Variants in ATXN7 observed in about 807,000 individuals in gnomAD.
ATXN7 encodes ataxin-7.
In ATXN7, 12 loss-of-function variants were observed where a neutral mutation model predicts 70.5. The ratio of observed to expected loss-of-function variants is 0.17; its 90% CI spans 0.11 to 0.28. The LOEUF (loss-of-function observed/expected upper bound fraction) is 0.28, where lower values mean the gene tolerates loss of function less well. ATXN7 is among the 10% of genes least tolerant of loss of function. ATXN7 has a pLI of 1.00. For synonymous variants in ATXN7, 498 were observed against 448.7 expected (o/e 1.11, Z -1.39); for missense variants, 1,256 against 1,131.7 (o/e 1.11, Z -1.58).
intron 4 of ATXN7, among the ~76,000 whole-genome samples, chr3:63,949,790 A>G (rs1410312160): frequency 6.6e-6 from 1 of 152,052 alleles, no homozygotes; most frequent in Non-Finnish European, 1.5e-5. Context: ...TGCTTTTTAG[A>G]GAGATTCAGT....
At chr3:63,906,678 G>A (rs929135873) in intron 2 of ATXN7, among the ~76,000 whole-genome samples, 1 of 152,224 alleles carries the variant, frequency 6.6e-6, no homozygotes, top group African/African-American at 2.4e-5. Flanking sequence ...TGGAATTTGT[G>A]GAAGAACTTT....
upstream of ATXN7, chr3:63,863,515 G>A: frequency 8.4e-7 from 1 of 1,188,134 alleles, no homozygotes; most frequent in Non-Finnish European, 1.0e-6. Context: ...CTATAGCCCC[G>A]CGCTGCCTCC....
chr3:63,905,094 A>C (rs1267026688), intron 2 of ATXN7: 18 of 152,170 alleles, frequency 1.2e-4, no homozygotes, highest in Admixed American at 1.2e-3. Context: ...ATTTGCAAAA[A>C]TGTGTAGGTT....
In ATXN7 at chr3:63,999,748, A is replaced by AGTTTTT. The variant is rs1211127243; in HGVS notation, c.*293_*298dup. 1.9e-5 allele frequency: 11 copies of AGTTTTT among 571,266 alleles called. No individual in the cohort carries two copies. The East Asian group carries it at 2.0e-4, about 10-fold the overall frequency. The allele number at this position is 571,266 out of a possible 1,614,324, so 35.4% of individuals were successfully genotyped here. ...AACTGCTTGCTACCAATCTGTGAGA[A>AGTTTTT]GTTTTTGTTTTTGTTTTGTTTTTTA... On this transcript the variant is annotated 3_prime_UTR_variant, in exon 13 of 13. Transcript: ENST00000674280.
rs2075834068 is a variant in ATXN7, at chr3:64,001,611, T to G, written c.*2144T>G. ...TTCAGACTAATGTAGATATTTAGAT[T>G]AGCAAGTATTGAACATTTGATTTCT... On this transcript the variant is annotated 3_prime_UTR_variant, in exon 13 of 13. Transcript: ENST00000674280. 1 of 152,220 alleles carries G rather than the reference T, an allele frequency of 6.6e-6. No homozygotes were observed. The highest frequency in any genetic ancestry group is 1.5e-5 in the Non-Finnish European group (1 of 68,030). The allele number at this position is 152,220 out of a possible 1,614,324, so 9.4% of individuals were successfully genotyped here. A position where few individuals can be genotyped will look rare whatever the true frequency, so the allele number is the denominator to read the frequency against.
chr3:63,960,081 A>G (rs1440632889), intron 5 of ATXN7, among the ~76,000 whole-genome samples: 1 of 152,200 alleles, frequency 6.6e-6, no homozygotes, highest in African/African-American at 2.4e-5. Context: ...ACTGGGGCAG[A>G]CCACTTTAGG....
At chr3:63,998,370 G>A in intron 12 of ATXN7, 2 of 982,694 alleles carry the variant, frequency 2.0e-6, no homozygotes, top group South Asian at 4.7e-5. Context: ...ATATATATAT[G>A]TATACACACA....
intron 1 of ATXN7, among the ~76,000 whole-genome samples, chr3:63,873,208 T>C (rs1559616287): frequency 6.6e-6 from 1 of 152,178 alleles, no homozygotes; most frequent in African/African-American, 2.4e-5. Context: ...CTAGACACAG[T>C]ATAACAGCTA....
At chr3:63,864,607 C>G (rs1307325840) in intron 1 of ATXN7, 1 of 152,226 alleles carries the variant, frequency 6.6e-6, no homozygotes, top group Admixed American at 6.5e-5. Context: ...GTTCGCGAAG[C>G]GACCAGGAGC....
At chr3:63,870,031 A>G (rs775398037) in intron 1 of ATXN7, among the ~76,000 whole-genome samples, 8 of 152,214 alleles carry the variant, frequency 5.3e-5, no homozygotes, top group Non-Finnish European at 1.2e-4. Flanking sequence ...AGCCTGGAAC[A>G]GAGATCAGCA....
chr3:63,967,589 T>C (rs1052526232), intron 5 of ATXN7, among the ~76,000 whole-genome samples: 3 of 152,148 alleles, frequency 2.0e-5, no homozygotes, highest in Non-Finnish European at 4.4e-5. Context: ...AGAAAAAAAA[T>C]TCACAAAATA....
In ATXN7 at chr3:63,980,186, G is replaced by T; in HGVS notation, c.752+19G>T. On this transcript the variant is annotated intron_variant, in intron 6 of 12. Coordinates refer to ENST00000674280, the MANE Select transcript of ATXN7 (RefSeq NM_001377405.1). Reference sequence around the variant, plus strand: ...GTAGAATGTGAGTATGGCCAAGAGGGTTTTTAAAGCTTACCTGCTGGAAAT... The same window carrying T: ...GTAGAATGTGAGTATGGCCAAGAGGTTTTTTAAAGCTTACCTGCTGGAAAT... 1 of 1,613,590 alleles carries T rather than the reference G, an allele frequency of 6.2e-7. No individual in the cohort carries two copies. The highest frequency in any genetic ancestry group is 8.5e-7 in the Non-Finnish European group (1 of 1,179,602).
In ATXN7 at chr3:63,996,653, G is replaced by A. The variant is rs367642556; in HGVS notation, c.2661+170G>A. On this transcript the variant is annotated intron_variant, in intron 12 of 12. Coordinates refer to ENST00000674280, the MANE Select transcript of ATXN7 (RefSeq NM_001377405.1). The stretch of plus-strand genomic sequence containing the variant: ...AAAAAAAAAAAAAAGGTTCACGGCC[G>A]TATGAAGGTAAAACAGGCTCTTCTG... The A allele has an allele frequency of 4.7e-5, 40 of 855,960 alleles. No homozygotes were observed. The East Asian group carries it at 8.0e-4, about 17-fold the overall frequency. 53.0% of individuals were successfully genotyped at this position (855,960 alleles called of 1,614,324 possible).
At chr3:63,871,369 C>A (rs1391300938) in intron 1 of ATXN7, among the ~76,000 whole-genome samples, 1 of 152,008 alleles carries the variant, frequency 6.6e-6, no homozygotes, top group Non-Finnish European at 1.5e-5. Context: ...GGGTTTCCTT[C>A]TTGTTAAAAA....
chr3:63,969,659 A>G (rs957262008), intron 5 of ATXN7, among the ~76,000 whole-genome samples: 1 of 152,066 alleles, frequency 6.6e-6, no homozygotes, highest in Non-Finnish European at 1.5e-5. Flanking sequence ...CATATGTTTC[A>G]TTTGGGAAAA....
At chr3:63,909,481 C>T (rs757160948) in intron 2 of ATXN7, among the ~76,000 whole-genome samples, 4 of 152,166 alleles carry the variant, frequency 2.6e-5, no homozygotes, top group Admixed American at 6.5e-5. Context: ...AGGGGATTAT[C>T]TAGGTAAGAG....
chr3:63,877,059 G>C (rs1023267257), intron 1 of ATXN7, among the ~76,000 whole-genome samples: 28 of 151,910 alleles, frequency 1.8e-4, no homozygotes, highest in African/African-American at 6.3e-4. Flanking sequence ...CATTTTGAAT[G>C]GTTTTTTTAA....
chr3:63,881,054 A>G (rs1289980247), intron 1 of ATXN7, among the ~76,000 whole-genome samples: 1 of 152,216 alleles, frequency 6.6e-6, no homozygotes, highest in Non-Finnish European at 1.5e-5. Flanking sequence ...GGGAATAATG[A>G]TGATAATGGC....
chr3:63,883,903 C>T (rs1398458674), intron 1 of ATXN7, among the ~76,000 whole-genome samples: 2 of 152,018 alleles, frequency 1.3e-5, no homozygotes, highest in East Asian at 1.9e-4. Flanking sequence ...TTTATTTACC[C>T]TGTCAAACCT....
Sources: gnomAD v4.1 joint callset for allele counts (sites outside exome capture counted in the v4.1 genomes callset) on GRCh38, gnomAD v4.1.1 for gene constraint, MANE v1.5 for transcripts, NCBI Gene and HGNC (gene_info 2026-07-23, HGNC 2026-07-21) for gene names.